WASHC5: variants seen among roughly 807,000 people sequenced by gnomAD.
WASHC5 encodes WASH complex subunit 5.
Under a neutral mutation model 150.4 loss-of-function variants are expected in WASHC5, and 101 were observed. That is an observed-to-expected ratio of 0.67 (90% CI 0.57 to 0.79). WASHC5 has a LOEUF of 0.79. Among genes scored for constraint, WASHC5 ranks in the 30% least tolerant of loss-of-function variants. The pLI, the probability that WASHC5 is intolerant of heterozygous loss-of-function variation, is 0.00. For missense variants in WASHC5, 1,195 were observed against 1,396.3 expected (o/e 0.86, Z 2.30); for synonymous variants, 467 against 491.2 (o/e 0.95, Z 0.65).
intron 28 of WASHC5, among the ~76,000 whole-genome samples, chr8:125,025,498 A>G (rs1230896627): frequency 6.6e-6 from 1 of 151,840 alleles, no homozygotes; most frequent in Admixed American, 6.6e-5. Flanking sequence ...GACCAGCCTG[A>G]CTAACATGGA....
chr8:125,058,993 A>T (rs1251381671), intron 14 of WASHC5, among the ~76,000 whole-genome samples: 1 of 152,230 alleles, frequency 6.6e-6, no homozygotes, highest in Non-Finnish European at 1.5e-5. Flanking sequence ...TTCACCTAAA[A>T]ATAGTATTCC....
chr8:125,047,133 T>A, intron 20 of WASHC5, 74 bp downstream of exon 20: 1 of 1,574,226 alleles, frequency 6.4e-7, no homozygotes, highest in South Asian at 1.1e-5. Flanking sequence ...GAATAGGGGC[T>A]GTGCCACAGG....
intron 20 of WASHC5, 120 bp downstream of exon 20, chr8:125,047,087 G>C (rs1816089911): frequency 1.6e-6 from 2 of 1,241,274 alleles, no homozygotes; most frequent in African/African-American, 3.0e-5. Flanking sequence ...TAAAGGGTCA[G>C]AATATGAGTT....
intron 9 of WASHC5, among the ~76,000 whole-genome samples, chr8:125,068,884 A>G (rs1816824614): frequency 6.6e-6 from 1 of 152,274 alleles, no homozygotes; most frequent in African/African-American, 2.4e-5. Flanking sequence ...ATTTCAAATG[A>G]AATAAACGCC....
intron 19 of WASHC5, 55 bp from the exon 20 acceptor site, chr8:125,047,386 T>A: frequency 6.5e-7 from 1 of 1,540,758 alleles, no homozygotes; most frequent in Non-Finnish European, 9.0e-7. Context: ...AACCTAGTTA[T>A]CCCTTTTCCA....
Position 125,043,973 on chromosome 8 carries a change from G to GC in WASHC5, c.2770+18_2770+19insG, listed in dbSNP as rs11370883. 1 allele frequency: 1,598,954 copies of GC among 1,599,244 alleles called. 799,332 individuals are homozygous for GC. The highest frequency in any genetic ancestry group is 1 in the Middle Eastern group (6,028 of 6,028). On this transcript the variant is annotated intron_variant, in intron 22 of 28. Transcript: ENST00000318410. ...GGCTACAGTGTCATCCCCGCCTCAG[G>GC]TAGTTTCAGGACACTCACCGACAAT...
chr8:125,024,705 T>A, intron 28 of WASHC5, 32 bp from the exon 29 acceptor site: 1 of 1,447,152 alleles, frequency 6.9e-7, no homozygotes, highest in Non-Finnish European at 9.7e-7. Flanking sequence ...TTATTCATGG[T>A]GTTATAGTTG....
intron 16 of WASHC5, among the ~76,000 whole-genome samples, 159 bp downstream of exon 16, chr8:125,056,518 T>C: frequency 6.6e-6 from 1 of 152,140 alleles, no homozygotes; most frequent in East Asian, 1.9e-4. Flanking sequence ...AAGGTGTGAT[T>C]GTACTAAAAT....
At position 125,052,855 on chromosome 8, in the gene WASHC5, T is replaced by C. The variant is rs1173380026; in HGVS notation, c.2098-2190A>G. The stretch of plus-strand genomic sequence containing the variant: ...CAATAAAATCGTCGTAAGTTGAAAA[T>C]ATCAGAAGTCAAAAATACACTGAAT... On this transcript the variant is annotated intron_variant, in intron 17 of 28. Coordinates refer to ENST00000318410, the MANE Select transcript of WASHC5 (RefSeq NM_014846.4). 2.0e-5 allele frequency among the ~76,000 whole-genome samples: 3 copies of C among 152,118 alleles called. No individual in the cohort carries two copies. In the East Asian group the frequency reaches 5.8e-4, roughly 29 times the overall value.
At chr8:125,066,074 G>C (rs999742532) in intron 10 of WASHC5, among the ~76,000 whole-genome samples, 41 of 152,094 alleles carry the variant, frequency 2.7e-4, no homozygotes, top group African/African-American at 9.9e-4. Context: ...AGACGGTAGG[G>C]ACACATTTTG....
chr8:125,058,248 A>T (rs894564568), intron 14 of WASHC5, among the ~76,000 whole-genome samples: 3 of 152,128 alleles, frequency 2.0e-5, no homozygotes, highest in African/African-American at 7.2e-5. Flanking sequence ...ATGTTAAAAT[A>T]TGAAAAGAAT....
intron 26 of WASHC5, among the ~76,000 whole-genome samples, chr8:125,035,339 G>GA (rs1041300631): frequency 1.3e-5 from 2 of 150,588 alleles, no homozygotes; most frequent in Non-Finnish European, 3.0e-5. Flanking sequence ...TATACACAAT[G>GA]AAAAAAAAAT....
At chr8:125,054,479 A>C (rs1184402529) in intron 17 of WASHC5, among the ~76,000 whole-genome samples, 1 of 152,184 alleles carries the variant, frequency 6.6e-6, no homozygotes, top group Non-Finnish European at 1.5e-5. Context: ...GAGAAGAAAA[A>C]AATAAACAAA....
intron 20 of WASHC5, 145 bp from the exon 21 acceptor site, chr8:125,044,843 C>A (rs897225098): frequency 9.6e-6 from 8 of 835,686 alleles, no homozygotes; most frequent in Admixed American, 5.4e-5. Flanking sequence ...TTCAGGCACC[C>A]AATGCGTCTT....
intron 10 of WASHC5, among the ~76,000 whole-genome samples, chr8:125,066,070 T>C (rs962025021): frequency 2.0e-5 from 3 of 152,158 alleles, no homozygotes; most frequent in African/African-American, 4.8e-5. Context: ...TCCTAGACGG[T>C]AGGGACACAT....
chr8:125,078,725 A>G lies in WASHC5; in HGVS notation c.711+13T>C, dbSNP rs200611502. On this transcript the variant is annotated intron_variant, in intron 6 of 28. Coordinates refer to ENST00000318410, the MANE Select transcript of WASHC5 (RefSeq NM_014846.4). ...AAACTGTCTTAATAGGTCTTAATAG[A>G]TTTAATTCCCACCTGGTTGTAAATA... 3.7e-6 allele frequency: 6 copies of G among 1,601,228 alleles called. No homozygotes were observed. In the East Asian group the frequency reaches 1.1e-4, roughly 30 times the overall value.
At chr8:125,030,646 A>AG (rs1164119317) in intron 27 of WASHC5, among the ~76,000 whole-genome samples, 1 of 146,700 alleles carries the variant, frequency 6.8e-6, no homozygotes, top group African/African-American at 2.7e-5. Flanking sequence ...ATAAAAAAAA[A>AG]AAAAAAAAAA....
At chr8:125,067,510 G>T (rs1030872842) in intron 10 of WASHC5, 82 bp downstream of exon 10, 3 of 1,177,874 alleles carry the variant, frequency 2.5e-6, no homozygotes, top group African/African-American at 3.1e-5. Context: ...GACAGAGCAA[G>T]CAATCCTAGT....
intron 26 of WASHC5, among the ~76,000 whole-genome samples, chr8:125,033,407 G>A (rs1296563288): frequency 1.3e-5 from 2 of 152,050 alleles, no homozygotes; most frequent in East Asian, 3.9e-4. Flanking sequence ...TCTTATGGGG[G>A]AACGACAAAC....
Sources: gnomAD v4.1 joint callset for allele counts (sites outside exome capture counted in the v4.1 genomes callset) on GRCh38, gnomAD v4.1.1 for gene constraint, MANE v1.5 for transcripts, NCBI Gene and HGNC (gene_info 2026-07-23, HGNC 2026-07-21) for gene names.